Variants in ITPRID1 observed in about 807,000 individuals in gnomAD.
ITPRID1 encodes protein ITPRID1.
Under a neutral mutation model 95.4 loss-of-function variants are expected in ITPRID1, and 96 were observed. That is an observed-to-expected ratio of 1.01 (90% CI 0.85 to 1.19). The LOEUF is 1.19. ITPRID1 is among the 50% of genes most tolerant of loss of function. The probability of loss-of-function intolerance (pLI) is 0.00; values close to 1 mark genes in which losing one functional copy is unlikely to be tolerated. For missense variants in ITPRID1, 1,339 were observed against 1,252.9 expected (o/e 1.07, Z -1.04); for synonymous variants, 510 against 453.6 (o/e 1.12, Z -1.58).
At chr7:31,592,560 G>A (rs1263169616) in intron 10 of ITPRID1, among the ~76,000 whole-genome samples, 2 of 152,196 alleles carry the variant, frequency 1.3e-5, no homozygotes, top group Admixed American at 1.3e-4. Flanking sequence ...AGGCAGGTGG[G>A]TGGTTTCATG....
At chr7:31,596,887 G>C (rs1192865638) in intron 10 of ITPRID1, among the ~76,000 whole-genome samples, 1 of 151,682 alleles carries the variant, frequency 6.6e-6, no homozygotes, top group Non-Finnish European at 1.5e-5. Context: ...AACAGTTAAT[G>C]ATAAAATACA....
intron 10 of ITPRID1, among the ~76,000 whole-genome samples, chr7:31,621,560 A>C (rs968045681): frequency 5.4e-5 from 8 of 148,370 alleles, no homozygotes; most frequent in Admixed American, 3.4e-4. Context: ...AAATGCTGAG[A>C]GATTTTGTCA....
intron 1 of ITPRID1, among the ~76,000 whole-genome samples, chr7:31,535,544 G>A (rs907044044): frequency 1.3e-5 from 2 of 151,818 alleles, no homozygotes; most frequent in Non-Finnish European, 2.9e-5. Flanking sequence ...TAACTTTGAA[G>A]GTTTTTTAAA....
chr7:31,596,890 A>C (rs1241602152), intron 10 of ITPRID1, among the ~76,000 whole-genome samples: 1 of 151,908 alleles, frequency 6.6e-6, no homozygotes, highest in African/African-American at 2.4e-5. Context: ...AGTTAATGAT[A>C]AAATACAGTA....
intron 10 of ITPRID1, among the ~76,000 whole-genome samples, chr7:31,615,136 T>A (rs560139713): frequency 5.9e-5 from 9 of 152,150 alleles, no homozygotes; most frequent in Non-Finnish European, 1.2e-4. Context: ...CAGAACTTAG[T>A]CCTTAGAAAC....
intron 1 of ITPRID1, among the ~76,000 whole-genome samples, chr7:31,549,208 C>T (rs1483134212): frequency 1.3e-5 from 2 of 152,134 alleles, no homozygotes; most frequent in Non-Finnish European, 2.9e-5. Flanking sequence ...GAAGGAATCT[C>T]AAGACTCTGA....
At chr7:31,584,954 T>C (rs533632068) in intron 10 of ITPRID1, among the ~76,000 whole-genome samples, 52 of 152,344 alleles carry the variant, frequency 3.4e-4, no homozygotes, top group African/African-American at 1.2e-3. Flanking sequence ...TCTTGAGATA[T>C]TTCCTCTTGG....
chr7:31,625,938 G>T (rs1429716190), intron 10 of ITPRID1, among the ~76,000 whole-genome samples: 2 of 151,948 alleles, frequency 1.3e-5, no homozygotes, highest in Non-Finnish European at 2.9e-5. Context: ...AGTAAGAAGG[G>T]TTTTTATTTA....
At chr7:31,620,939 C>A (rs1404861815) in intron 10 of ITPRID1, among the ~76,000 whole-genome samples, 1 of 151,764 alleles carries the variant, frequency 6.6e-6, no homozygotes, top group Non-Finnish European at 1.5e-5. Flanking sequence ...AAAGCCAAGG[C>A]TCAAGAACTA....
At chr7:31,652,478 G>A in intron 14 of ITPRID1, 40 bp from the exon 15 acceptor site, 2 of 1,539,734 alleles carry the variant, frequency 1.3e-6, no homozygotes, top group South Asian at 1.2e-5. Context: ...GTGCCAATGT[G>A]ATGTGCTGTT....
At chr7:31,527,039 A>G (rs1266593557) in intron 1 of ITPRID1, among the ~76,000 whole-genome samples, 1 of 152,088 alleles carries the variant, frequency 6.6e-6, no homozygotes, top group African/African-American at 2.4e-5. Context: ...CTCCTCATTT[A>G]TTATGTAGTA....
At chr7:31,591,666 G>T (rs1392270633) in intron 10 of ITPRID1, among the ~76,000 whole-genome samples, 1 of 152,106 alleles carries the variant, frequency 6.6e-6, no homozygotes, top group Non-Finnish European at 1.5e-5. Flanking sequence ...AACCAACAAT[G>T]AATAGTGCCA....
chr7:31,551,417 T>C (rs925775115), intron 2 of ITPRID1, among the ~76,000 whole-genome samples: 1 of 144,092 alleles, frequency 6.9e-6, no homozygotes, highest in Non-Finnish European at 1.6e-5. Flanking sequence ...TTATTCTGTC[T>C]TGTGTTATTA....
At chr7:31,631,666 G>A (rs1480209335) in intron 10 of ITPRID1, among the ~76,000 whole-genome samples, 1 of 152,104 alleles carries the variant, frequency 6.6e-6, no homozygotes, top group Non-Finnish European at 1.5e-5. Flanking sequence ...CTGGAGCAAC[G>A]GAAGGAAGGA....
At chr7:31,556,757 A>G (rs1402104967) in intron 5 of ITPRID1, among the ~76,000 whole-genome samples, 1 of 152,140 alleles carries the variant, frequency 6.6e-6, no homozygotes, top group Non-Finnish European at 1.5e-5. Context: ...AAATACTGAT[A>G]AAATGTAGAG....
chr7:31,644,647 C>T (rs963099286), intron 12 of ITPRID1, among the ~76,000 whole-genome samples: 1 of 152,180 alleles, frequency 6.6e-6, no homozygotes, highest in Admixed American at 6.6e-5. Context: ...TGGCTCCAGC[C>T]TTCTCTAGCC....
At position 31,519,645 on chromosome 7, in the gene ITPRID1, T is replaced by TATATATATATATATATATATAA. The variant is rs1332451516; in HGVS notation, c.-98+5526_-98+5527insTATATATATATATATATATAAA. Among the ~76,000 whole-genome samples, 306 of 114,902 alleles carry TATATATATATATATATATATAA rather than the reference T, an allele frequency of 2.7e-3. 5 individuals carry two copies. The highest frequency in any genetic ancestry group is 4.6e-3 in the Admixed American group (45 of 9,690). The allele number at this position is 114,902 out of a possible 152,430, so 75.4% of individuals were successfully genotyped here. A position where few individuals can be genotyped will look rare whatever the true frequency, so the allele number is the denominator to read the frequency against. ...CTATATATATATATATATATATATA[T>TATATATATATATATATATATAA]AAATCTTATGTTATCCTGCTGGTAT... On this transcript the variant is annotated intron_variant, in intron 1 of 14. Transcript: ENST00000615280.
intron 10 of ITPRID1, among the ~76,000 whole-genome samples, chr7:31,627,131 A>C (rs533374514): frequency 6.6e-6 from 1 of 152,284 alleles, no homozygotes; most frequent in African/African-American, 2.4e-5. Context: ...GATTTTGTCC[A>C]CTGGAGAAGC....
Position 31,530,089 on chromosome 7 carries a change from G to T in ITPRID1, c.-98+15969G>T, listed in dbSNP as rs2128129841. 2.0e-5 allele frequency among the ~76,000 whole-genome samples: 3 copies of T among 152,238 alleles called. No individual in the cohort carries two copies. The South Asian group carries it at 6.2e-4, about 32-fold the overall frequency. ...CTACCTAGGTGGCTGCCATTAACAT[G>T]GAAAGGTCTAAAACACAGGGGATGA... is the stretch of plus-strand genomic sequence containing the variant. On this transcript the variant is annotated intron_variant, in intron 1 of 14. Coordinates refer to ENST00000615280, the MANE Select transcript of ITPRID1 (RefSeq NM_001257967.3).
Sources: allele counts gnomAD v4.1 joint callset (sites outside exome capture counted in the v4.1 genomes callset), GRCh38; gene constraint gnomAD v4.1.1; transcripts MANE v1.5; gene names NCBI Gene and HGNC (gene_info 2026-07-23, HGNC 2026-07-21).